Variants in SLCO2A1 observed in about 807,000 individuals in gnomAD.
SLCO2A1 encodes matrin F/G 1.
In SLCO2A1, 60 loss-of-function variants were observed where a neutral mutation model predicts 71.7. The observed-to-expected ratio is 0.84, with a 90% CI of 0.68 to 1.04. SLCO2A1 has a LOEUF of 1.04. SLCO2A1 is among the 50% of genes least tolerant of loss of function. SLCO2A1 has a pLI of 0.00. For synonymous variants in SLCO2A1, 308 were observed against 326.7 expected (o/e 0.94, Z 0.62); for missense variants, 745 against 813.4 (o/e 0.92, Z 1.02).
intron 11 of SLCO2A1, among the ~76,000 whole-genome samples, chr3:133,940,063 G>A (rs1933377430): frequency 6.7e-6 from 1 of 150,364 alleles, no homozygotes; most frequent in South Asian, 2.1e-4. Context: ...CACTTCCCAG[G>A]TTCAACCAAT....
At position 134,015,587 on chromosome 3, in the gene SLCO2A1, A is replaced by G. The variant is rs979855479; in HGVS notation, c.96+14120T>C. On this transcript the variant is annotated intron_variant, in intron 1 of 13. Coordinates refer to ENST00000310926, the MANE Select transcript of SLCO2A1 (RefSeq NM_005630.3). Reference sequence around the variant, plus strand: ...ATTTCAAAACAATAGTAAATTTCCAATGTCTCACCATAAAAAATGATAGAT... The same window carrying G: ...ATTTCAAAACAATAGTAAATTTCCAGTGTCTCACCATAAAAAATGATAGAT... Among the ~76,000 whole-genome samples, 8 of 152,218 alleles carry G rather than the reference A, an allele frequency of 5.3e-5. No individual in the cohort carries two copies. In the South Asian group the frequency reaches 6.2e-4, roughly 12 times the overall value.
intron 12 of SLCO2A1, among the ~76,000 whole-genome samples, chr3:133,937,049 T>C (rs751071627): frequency 5.3e-5 from 8 of 152,112 alleles, no homozygotes; most frequent in Non-Finnish European, 8.8e-5. Context: ...CATTGAGTTA[T>C]CTGAGCTCAA....
intron 12 of SLCO2A1, among the ~76,000 whole-genome samples, chr3:133,937,316 C>A (rs929072582): frequency 6.6e-6 from 1 of 152,154 alleles, no homozygotes; most frequent in African/African-American, 2.4e-5. Context: ...GATCCTGCCG[C>A]CCTGCTTCCT....
rs1933928996 is a variant in SLCO2A1 at position 133,957,655 on chromosome 3, C to CCTTA, written c.398-2466_398-2463dup. On this transcript the variant is annotated intron_variant, in intron 3 of 13. Coordinates refer to ENST00000310926, the MANE Select transcript of SLCO2A1 (RefSeq NM_005630.3). The stretch of plus-strand genomic sequence containing the variant: ...CTCTGACCTCTGTAGGTGGCTGGGA[C>CCTTA]CTTACACCTACTTCCTCTCAGGAAA... 2.0e-5 allele frequency among the ~76,000 whole-genome samples: 3 copies of CCTTA among 152,144 alleles called. No homozygotes were observed. In the South Asian group the frequency reaches 6.2e-4, roughly 32 times the overall value.
intron 1 of SLCO2A1, among the ~76,000 whole-genome samples, chr3:134,013,552 G>A (rs1312472044): frequency 6.6e-6 from 1 of 152,118 alleles, no homozygotes; most frequent in Non-Finnish European, 1.5e-5. Context: ...TCACACACTT[G>A]TCCCACTTAA....
intron 3 of SLCO2A1, among the ~76,000 whole-genome samples, chr3:133,959,427 G>C (rs899222893): frequency 3.3e-5 from 5 of 151,578 alleles, no homozygotes; most frequent in Non-Finnish European, 7.4e-5. Flanking sequence ...AACGAGTGTT[G>C]GCAAGGGTGT....
intron 2 of SLCO2A1, among the ~76,000 whole-genome samples, chr3:133,974,351 T>C (rs1240188423): frequency 6.6e-6 from 1 of 152,156 alleles, no homozygotes; most frequent in Non-Finnish European, 1.5e-5. Context: ...CAATTCTCAT[T>C]TTATCTGACA....
At chr3:133,959,725 C>G (rs1414896476) in intron 3 of SLCO2A1, among the ~76,000 whole-genome samples, 1 of 151,748 alleles carries the variant, frequency 6.6e-6, no homozygotes, top group Non-Finnish European at 1.5e-5. Context: ...ACTTGGGAGG[C>G]TGAGGTGAGA....
chr3:133,943,580 T>G (rs949522174), intron 10 of SLCO2A1, among the ~76,000 whole-genome samples: 1 of 152,256 alleles, frequency 6.6e-6, no homozygotes, highest in African/African-American at 2.4e-5. Context: ...CTGGATTTTT[T>G]AGAGATTTTT....
rs111936919 is a variant in SLCO2A1, at chr3:134,020,947, T to A, written c.96+8760A>T. Reference sequence around the variant, plus strand: ...TTGGTTTTGACTTGATTTGAATTGCTTGACAGGATTGGTCTTGGGAACTTG... The same window carrying A: ...TTGGTTTTGACTTGATTTGAATTGCATGACAGGATTGGTCTTGGGAACTTG... On this transcript the variant is annotated intron_variant, in intron 1 of 13. Transcript: ENST00000310926. Among the ~76,000 whole-genome samples the A allele has an allele frequency of 8.0e-3, 1,223 of 152,038 alleles. 17 individuals carry two copies. The highest frequency in any genetic ancestry group is 0.027 in the African/African-American group (1,134 of 41,424).
chr3:133,996,480 G>C (rs1216720478), intron 1 of SLCO2A1, among the ~76,000 whole-genome samples: 1 of 152,212 alleles, frequency 6.6e-6, no homozygotes, highest in Non-Finnish European at 1.5e-5. Flanking sequence ...AGTTGCTCCT[G>C]AGGCTACGGC....
Position 133,934,619 on chromosome 3 carries a change from A to G in SLCO2A1, c.*94T>C. The G allele has an allele frequency of 1.1e-6, 1 of 906,096 alleles. No individual in the cohort carries two copies. Among genetic ancestry groups the G allele is most frequent in the Non-Finnish European group, 1.7e-6 (1 of 573,960 alleles). 56.1% of individuals were successfully genotyped at this position (906,096 alleles called of 1,614,324 possible). On this transcript the variant is annotated 3_prime_UTR_variant, in exon 14 of 14. Coordinates refer to ENST00000310926, the MANE Select transcript of SLCO2A1 (RefSeq NM_005630.3). ...GGTTTTCTTTCTTGTTTAAAAATAC[A>G]AAAAGGAAATGACGTGTTAACATTA...
chr3:133,991,497 G>C (rs181666888), intron 1 of SLCO2A1, among the ~76,000 whole-genome samples: 1 of 152,338 alleles, frequency 6.6e-6, no homozygotes, highest in African/African-American at 2.4e-5. Flanking sequence ...TAGCCAGCCT[G>C]GGGTCAAAGT....
intron 3 of SLCO2A1, among the ~76,000 whole-genome samples, chr3:133,972,559 A>G (rs1045930565): frequency 6.6e-6 from 1 of 152,236 alleles, no homozygotes; most frequent in Non-Finnish European, 1.5e-5. Flanking sequence ...AGTGAAAATT[A>G]AGCCATACTC....
intron 10 of SLCO2A1, among the ~76,000 whole-genome samples, chr3:133,943,825 C>T (rs550643598): frequency 1.3e-5 from 2 of 152,342 alleles, no homozygotes; most frequent in African/African-American, 2.4e-5. Context: ...CTCCTTCGCC[C>T]GCAGAGGTGG....
intron 2 of SLCO2A1, among the ~76,000 whole-genome samples, chr3:133,977,477 G>A (rs1472320831): frequency 6.6e-6 from 1 of 152,082 alleles, no homozygotes; most frequent in Admixed American, 6.5e-5. Context: ...CCAAGCATAG[G>A]GTCAACATGA....
chr3:134,027,926 T>C (rs1451221670), intron 1 of SLCO2A1, among the ~76,000 whole-genome samples: 1 of 152,170 alleles, frequency 6.6e-6, no homozygotes, highest in Non-Finnish European at 1.5e-5. Flanking sequence ...TCAAAGGAGG[T>C]GATGACTAAC....
At chr3:133,955,593 A>G (rs920026724) in intron 3 of SLCO2A1, among the ~76,000 whole-genome samples, 6 of 152,148 alleles carry the variant, frequency 3.9e-5, no homozygotes, top group Non-Finnish European at 5.9e-5. Context: ...GTCAAAGCCC[A>G]GGCCCGTCGG....
Position 133,942,680 on chromosome 3 carries a change from G to A in SLCO2A1, c.1550C>T (p.Pro517Leu), listed in dbSNP as rs773837399. Residue 517 changes from proline (P) to leucine (L), a missense_variant, in exon 11 of 14, where the codon CCG becomes CTG. Coordinates refer to ENST00000310926, the MANE Select transcript of SLCO2A1 (RefSeq NM_005630.3). ...CPVPCAHFLL[P>L]AIFLISFVSL... is the part of the protein sequence containing the mutation. The stretch of plus-strand genomic sequence containing the variant: ...CACGAAGGAGATGAGGAAGATGGCC[G>A]GGAGCAGGAAGTGGGCACAGGGGAC... The A allele has an allele frequency of 1.5e-5, 24 of 1,613,818 alleles. 1 individual carries two copies. The African/African-American group carries it at 1.6e-4, about 11-fold the overall frequency.
Sources: gnomAD v4.1 joint callset for allele counts (sites outside exome capture counted in the v4.1 genomes callset) on GRCh38, gnomAD v4.1.1 for gene constraint, MANE v1.5 for transcripts, NCBI Gene and HGNC (gene_info 2026-07-23, HGNC 2026-07-21) for gene names.